TNFRSF1A: variants seen among roughly 807,000 people sequenced by gnomAD.
TNFRSF1A encodes TNF receptor superfamily member 1A.
Under a neutral mutation model 41.6 loss-of-function variants are expected in TNFRSF1A, and 9 were observed. That is an observed-to-expected ratio of 0.22 (90% confidence interval 0.13 to 0.38). The LOEUF (loss-of-function observed/expected upper bound fraction) is 0.38. Ranked by LOEUF, TNFRSF1A falls within the 10% of genes least tolerant of loss-of-function variation. The pLI is 1.00. For synonymous variants in TNFRSF1A, 254 were observed against 248.6 expected (o/e 1.02, Z -0.21); for missense variants, 463 against 591.5 (o/e 0.78, Z 2.25).
Position 6,330,798 on chromosome 12 carries a change from G to C in TNFRSF1A, c.625+55C>G, listed in dbSNP as rs559890187. The C allele has an allele frequency of 5.7e-5, 91 of 1,590,186 alleles. No homozygotes were observed. The African/African-American group carries it at 1.0e-3, about 18-fold the overall frequency. On this transcript the variant is annotated intron_variant, in intron 6 of 9. Coordinates refer to ENST00000162749, the MANE Select transcript of TNFRSF1A (RefSeq NM_001065.4). ...ATGGGTGGGATGGATGGACGGGTGG[G>C]GGCAAGAAGAGGGAGAGGGCAGGTG...
At chr12:6,338,579 CTT>C (rs11344522) in intron 1 of TNFRSF1A, among the ~76,000 whole-genome samples, 265 of 136,598 alleles carry the variant, frequency 1.9e-3, no homozygotes, top group Middle Eastern at 3.7e-3. Flanking sequence ...TGCCTCACTA[CTT>C]TTTTTTTTTT....
At chr12:6,335,335 A>C (rs1379505091) in intron 1 of TNFRSF1A, among the ~76,000 whole-genome samples, 1 of 152,178 alleles carries the variant, frequency 6.6e-6, no homozygotes, top group East Asian at 1.9e-4. Context: ...AAAGGTGTGC[A>C]GGACATAGGC....
chr12:6,330,388 T>C, intron 7 of TNFRSF1A, 93 bp from the exon 8 acceptor site: 1 of 1,287,120 alleles, frequency 7.8e-7, no homozygotes, highest in South Asian at 1.2e-5. Flanking sequence ...TGTGGTGACA[T>C]GCCTCAGGGC....
chr12:6,333,345 G>C lies in TNFRSF1A; in HGVS notation c.472+22C>G. 1 of 1,611,544 alleles carries C rather than the reference G, an allele frequency of 6.2e-7. No homozygotes were observed. The highest frequency in any genetic ancestry group is 2.2e-5 in the East Asian group (1 of 44,776). ...ACCCCTGGGGTGGGGAGAGGGCTTGGCCTCAGGAGAGCTGCGCTCACAGGA... is the reference window on the plus strand; with the variant it reads ...ACCCCTGGGGTGGGGAGAGGGCTTGCCCTCAGGAGAGCTGCGCTCACAGGA... On this transcript the variant is annotated intron_variant, in intron 4 of 9. Transcript: ENST00000162749. The surrounding 1 kb of genome is among the most constrained non-coding windows in gnomAD (Gnocchi z 6.3).
In TNFRSF1A at chr12:6,333,380, G is replaced by A. The variant is rs199792034; in HGVS notation, c.459C>T (p.Thr153=). The change falls in exon 4 of 10, where the codon ACC becomes ACT. Residue 153 remains threonine (T), a synonymous_variant. Coordinates refer to ENST00000162749, the MANE Select transcript of TNFRSF1A (RefSeq NM_001065.4). The surrounding 1 kb of genome is among the most constrained non-coding windows in gnomAD (Gnocchi z 6.3). The part of the protein sequence containing the change: ...CFNCSLCLNG[T]VHLSCQEKQN... ...AGCTGCGCTCACAGGAGAGGTGCAC[G>A]GTCCCATTGAGGCAGAGGCTGCAAT... 53 of 1,613,680 alleles carry A rather than the reference G, an allele frequency of 3.3e-5. No individual in the cohort carries two copies. Among genetic ancestry groups the A allele is most frequent in the African/African-American group, 3.2e-4 (24 of 75,010 alleles).
chr12:6,338,190 C>A (rs1234664835), intron 1 of TNFRSF1A, among the ~76,000 whole-genome samples: 2 of 152,118 alleles, frequency 1.3e-5, no homozygotes, highest in Non-Finnish European at 2.9e-5. Flanking sequence ...CCTTAACATG[C>A]CCCAGACGGA....
chr12:6,341,895 CG>C lies in TNFRSF1A; in HGVS notation c.-82del. 1.3e-6 allele frequency: 2 copies of C among 1,537,978 alleles called. No homozygotes were observed. The highest frequency in any genetic ancestry group is 1.8e-6 in the Non-Finnish European group (2 of 1,113,386). On this transcript the variant is annotated 5_prime_UTR_variant, in exon 1 of 10. It removes the in-frame stop codon of an upstream open reading frame in the 5' UTR. Transcript: ENST00000162749. This position sits in a 1 kb window ranked among gnomAD's most constrained non-coding sequence, Gnocchi z 4.6. ...GGCAGTGCTGGGGCTTCCCGGGACTCGGTCTGTCCAGGACGTCCCAAGTGCC... is the reference window on the plus strand; with the variant it reads ...GGCAGTGCTGGGGCTTCCCGGGACTCGTCTGTCCAGGACGTCCCAAGTGCC...
At chr12:6,340,021 G>C (rs1231523857) in intron 1 of TNFRSF1A, among the ~76,000 whole-genome samples, 1 of 152,144 alleles carries the variant, frequency 6.6e-6, no homozygotes, top group Non-Finnish European at 1.5e-5. Context: ...CCAGGACGCA[G>C]GCACTTCCCT....
At chr12:6,330,964 C>T (rs1414893442) in intron 5 of TNFRSF1A, 38 bp from the exon 6 acceptor site, 12 of 1,564,832 alleles carry the variant, frequency 7.7e-6, no homozygotes, top group Non-Finnish European at 1.1e-5. Context: ...AGAGGCCCTA[C>T]CATTGGAGGA....
At chr12:6,332,433 C>CAAAAAAAAAA (rs34324660) in intron 5 of TNFRSF1A, among the ~76,000 whole-genome samples, 4 of 39,738 alleles carry the variant, frequency 1.0e-4, no homozygotes, top group African/African-American at 3.4e-4. Flanking sequence ...AACCCTGTCT[C>CAAAAAAAAAA]AAAAAAAAAA....
intron 8 of TNFRSF1A, 99 bp downstream of exon 8, chr12:6,330,168 C>G: frequency 3.7e-6 from 6 of 1,611,020 alleles, no homozygotes; most frequent in Non-Finnish European, 5.1e-6. Flanking sequence ...ATGAGGCGAG[C>G]CCCCGGAAAG....
rs1847651704 is a variant in TNFRSF1A, at chr12:6,330,601, T to A, written c.736A>T (p.Ile246Phe). 1 of 1,608,396 alleles carries A rather than the reference T, an allele frequency of 6.2e-7. No individual in the cohort carries two copies. Among genetic ancestry groups the A allele is most frequent in the Admixed American group, 1.7e-5 (1 of 59,946 alleles). ...CCCTCCCAAAGCCCCCACTCACCAA[T>A]GGAGTAGAGCTTGGACTTCCACCGT... is the stretch of plus-strand genomic sequence containing the variant. ...YQRWKSKLYS[I>F]VCGKSTPEKE... The change falls in exon 7 of 10, where the codon ATT becomes TTT. Residue 246 changes from isoleucine to phenylalanine, a missense_variant. By Grantham distance (21) the Ile-to-Phe change is conservative. Transcript: ENST00000162749.
In TNFRSF1A at chr12:6,340,430, CAG is replaced by C. The variant is rs1592052591; in HGVS notation, c.39+1344_39+1345del. Among the ~76,000 whole-genome samples the C allele has an allele frequency of 2.0e-5, 3 of 152,222 alleles. No individual in the cohort carries two copies. In the East Asian group the frequency reaches 5.8e-4, roughly 29 times the overall value. On this transcript the variant is annotated intron_variant, in intron 1 of 9. Transcript: ENST00000162749. ...CCAGGGGCCGCCCCCAAACAGAAAA[CAG>C]AAGCAGGATGTCAGGGCAGCTGGCT... is the stretch of plus-strand genomic sequence containing the variant.
In TNFRSF1A at chr12:6,341,753, C is replaced by T. The variant is rs4441073; in HGVS notation, c.39+23G>A. The T allele has an allele frequency of 6.2e-7, 1 of 1,613,952 alleles. No homozygotes were observed. The highest frequency in any genetic ancestry group is 8.5e-7 in the Non-Finnish European group (1 of 1,179,916). ...AAGGTGCCTCGCCCACCAGCCCACTCTTCCCTTTGTCCCTGGTCTCACCAG... is the reference window on the plus strand; with the variant it reads ...AAGGTGCCTCGCCCACCAGCCCACTTTTCCCTTTGTCCCTGGTCTCACCAG... On this transcript the variant is annotated intron_variant, in intron 1 of 9. Coordinates refer to ENST00000162749, the MANE Select transcript of TNFRSF1A (RefSeq NM_001065.4). This position sits in a 1 kb window ranked among gnomAD's most constrained non-coding sequence, Gnocchi z 4.6.
intron 1 of TNFRSF1A, among the ~76,000 whole-genome samples, chr12:6,340,434 A>C (rs1948180177): frequency 6.6e-6 from 1 of 152,158 alleles, no homozygotes; most frequent in Non-Finnish European, 1.5e-5. Context: ...AGAAAACAGA[A>C]GCAGGATGTC....
chr12:6,329,858 G>T lies in TNFRSF1A; in HGVS notation c.977C>A (p.Ala326Glu), dbSNP rs1183554136. Reference sequence around the variant, plus strand: ...GATGGGGTCGGAGGCGAGGGCTGTCGCAAGGATGGGGTCAGCCCCCTGATA... The same window carrying T: ...GATGGGGTCGGAGGCGAGGGCTGTCTCAAGGATGGGGTCAGCCCCCTGATA... ...PPYQGADPIL[A>E]TALASDPIPN... The change falls in exon 9 of 10, where the codon GCG (alanine) becomes GAG (glutamate). Residue 326 changes from alanine to glutamate, a missense_variant. Ala to Glu is a moderately radical substitution (Grantham distance 107). Around this residue, in one of 4 missense-constraint regions of TNFRSF1A, gnomAD observed 277 missense variants for 288.8 expected, o/e 0.96. Coordinates refer to ENST00000162749, the MANE Select transcript of TNFRSF1A (RefSeq NM_001065.4). 13 of 1,599,114 alleles carry T rather than the reference G, an allele frequency of 8.1e-6. No homozygotes were observed. The highest frequency in any genetic ancestry group is 1.0e-5 in the Non-Finnish European group (12 of 1,173,202).
rs1339209772 is a variant in TNFRSF1A, at chr12:6,334,577, A to ACC, written c.40-335_40-334dup. Reference sequence around the variant, plus strand: ...TGGAGTGCAGTGATGCAATCACTGCACCCTCCACCACCCACGCTCAAGCAG... The same window carrying ACC: ...TGGAGTGCAGTGATGCAATCACTGCACCCCCTCCACCACCCACGCTCAAGCAG... On this transcript the variant is annotated intron_variant, in intron 1 of 9. Coordinates refer to ENST00000162749, the MANE Select transcript of TNFRSF1A (RefSeq NM_001065.4). This position sits in a 1 kb window ranked among gnomAD's most constrained non-coding sequence, Gnocchi z 5.1. Among the ~76,000 whole-genome samples, 1 of 150,080 alleles carries ACC rather than the reference A, an allele frequency of 6.7e-6. No individual in the cohort carries two copies. Among genetic ancestry groups the ACC allele is most frequent in the Non-Finnish European group, 1.5e-5 (1 of 67,610 alleles).
chr12:6,333,025 C>T lies in TNFRSF1A; in HGVS notation c.551+44G>A, dbSNP rs201977380. On this transcript the variant is annotated intron_variant, in intron 5 of 9. Coordinates refer to ENST00000162749, the MANE Select transcript of TNFRSF1A (RefSeq NM_001065.4). This position sits in a 1 kb window ranked among gnomAD's most constrained non-coding sequence, Gnocchi z 6.3. ...GGTTCCCACCAGTCACCCGTCCCAA[C>T]CCATGCCACCATCCAGTGCCCAGCA... The T allele has an allele frequency of 2.8e-4, 443 of 1,580,616 alleles. No homozygotes were observed. Among genetic ancestry groups the T allele is most frequent in the Admixed American group, 5.3e-4 (32 of 59,982 alleles).
intron 1 of TNFRSF1A, among the ~76,000 whole-genome samples, chr12:6,335,997 G>T (rs952203541): frequency 6.6e-6 from 1 of 152,216 alleles, no homozygotes; most frequent in African/African-American, 2.4e-5. Flanking sequence ...CAGGACTGGG[G>T]CTTCCAGGGC....
Sources: gnomAD v4.1 joint callset for allele counts (sites outside exome capture counted in the v4.1 genomes callset) on GRCh38, gnomAD v4.1.1 for gene constraint, gnomAD v4.1.1 regional missense constraint, Gnocchi (gnomAD v3.1) non-coding constraint, MANE v1.5 for transcripts, NCBI Gene and HGNC (gene_info 2026-07-23, HGNC 2026-07-21) for gene names.